Variants in PCLO observed in about 807,000 individuals in gnomAD.
PCLO encodes protein piccolo.
Under a neutral mutation model 427.5 loss-of-function variants are expected in PCLO, and 82 were observed. The ratio of observed to expected loss-of-function variants is 0.19; its 90% CI spans 0.16 to 0.23. PCLO has a LOEUF of 0.23. PCLO is among the 10% of genes least tolerant of loss of function. The probability of loss-of-function intolerance (pLI) is 1.00; values close to 1 mark genes in which losing one functional copy is unlikely to be tolerated. For missense variants in PCLO, 6,239 were observed against 6,115.9 expected (o/e 1.02, Z -0.67); for synonymous variants, 2,357 against 2,155.4 (o/e 1.09, Z -2.59).
At chr7:83,008,666 T>G (rs1167348548) in intron 3 of PCLO, among the ~76,000 whole-genome samples, 1 of 151,666 alleles carries the variant, frequency 6.6e-6, no homozygotes, top group Admixed American at 6.6e-5. Flanking sequence ...GAAAGAATGC[T>G]TTGCAGGGTT....
chr7:82,995,653 A>G (rs1429326964), intron 3 of PCLO, among the ~76,000 whole-genome samples: 3 of 151,984 alleles, frequency 2.0e-5, no homozygotes, highest in Non-Finnish European at 4.4e-5. Context: ...CTGAAAGCAG[A>G]TGGTCTTTGA....
chr7:83,144,606 T>A (rs984347734), intron 2 of PCLO, among the ~76,000 whole-genome samples: 1 of 152,166 alleles, frequency 6.6e-6, no homozygotes, highest in Non-Finnish European at 1.5e-5. Flanking sequence ...AAAAATCTCA[T>A]TTTAAAATTA....
intron 6 of PCLO, among the ~76,000 whole-genome samples, chr7:82,940,480 T>G (rs6467920): frequency 6.6e-6 from 1 of 151,474 alleles, no homozygotes. Flanking sequence ...GTAGTTAAAA[T>G]GATATATTAG....
At chr7:83,019,760 T>C (rs1165340276) in intron 3 of PCLO, among the ~76,000 whole-genome samples, 2 of 152,240 alleles carry the variant, frequency 1.3e-5, no homozygotes, top group Middle Eastern at 3.4e-3. Flanking sequence ...ACTGTGTTGT[T>C]TTCCTATATC....
chr7:82,845,087 A>T (rs1163969875), intron 13 of PCLO, among the ~76,000 whole-genome samples, 184 bp downstream of exon 13: 4 of 152,204 alleles, frequency 2.6e-5, no homozygotes, highest in Non-Finnish European at 5.9e-5. Flanking sequence ...GAAATACATC[A>T]TCTTGATACA....
intron 3 of PCLO, among the ~76,000 whole-genome samples, chr7:82,985,470 C>T (rs375955967): frequency 1.8e-4 from 27 of 152,060 alleles, no homozygotes; most frequent in East Asian, 1.7e-3. Flanking sequence ...AATATTTAGC[C>T]AAAGTGGGGT....
intron 7 of PCLO, 133 bp from the exon 8 acceptor site, chr7:82,909,146 G>A: frequency 1.3e-6 from 1 of 750,012 alleles, no homozygotes; most frequent in South Asian, 2.3e-5. Context: ...ATCTCCCCTT[G>A]GGACTAGAAA....
Position 83,033,628 on chromosome 7 carries a change from T to C in PCLO, c.3301-67141A>G, listed in dbSNP as rs550425000. 2.0e-5 allele frequency among the ~76,000 whole-genome samples: 3 copies of C among 152,310 alleles called. No individual in the cohort carries two copies. The South Asian group carries it at 6.2e-4, about 32-fold the overall frequency. Reference sequence around the variant, plus strand: ...CTTTCTATATTAGTGCAATCTTTCTTCCTTTCAGCACATATATTACTTTGT... The same window carrying C: ...CTTTCTATATTAGTGCAATCTTTCTCCCTTTCAGCACATATATTACTTTGT... On this transcript the variant is annotated intron_variant, in intron 3 of 24. Coordinates refer to ENST00000333891, the MANE Select transcript of PCLO (RefSeq NM_033026.6).
At chr7:83,017,788 A>G (rs1480271284) in intron 3 of PCLO, 1 of 152,096 alleles carries the variant, frequency 6.6e-6, no homozygotes, top group Admixed American at 6.6e-5. Context: ...CACATTATAC[A>G]ACATATAAAG....
At position 82,803,609 on chromosome 7, in the gene PCLO, G is replaced by A. The variant is rs1050074499; in HGVS notation, c.14934-2018C>T. On this transcript the variant is annotated intron_variant, in intron 21 of 24. Transcript: ENST00000333891. Reference sequence around the variant, plus strand: ...TGCAAAGGAAATGTAACTGTGAGTCGTGTGAAGGATGTGGTTTCTCTGAAT... The same window carrying A: ...TGCAAAGGAAATGTAACTGTGAGTCATGTGAAGGATGTGGTTTCTCTGAAT... 2.6e-5 allele frequency among the ~76,000 whole-genome samples: 4 copies of A among 152,236 alleles called. No homozygotes were observed. In the South Asian group the frequency reaches 6.2e-4, roughly 24 times the overall value.
intron 9 of PCLO, among the ~76,000 whole-genome samples, chr7:82,889,689 A>T (rs1434469690): frequency 1.3e-5 from 2 of 152,164 alleles, no homozygotes; most frequent in Non-Finnish European, 2.9e-5. Flanking sequence ...CATTGTTTAT[A>T]ATAATGGAAA....
intron 10 of PCLO, among the ~76,000 whole-genome samples, chr7:82,848,696 A>G (rs73710017): frequency 0.017 from 2,565 of 152,220 alleles, 81 homozygotes; most frequent in African/African-American, 0.059. Flanking sequence ...GAAATTCTAA[A>G]CATGGCATGA....
intron 3 of PCLO, among the ~76,000 whole-genome samples, chr7:83,085,308 C>A (rs1259092390): frequency 6.6e-6 from 1 of 152,062 alleles, no homozygotes; most frequent in African/African-American, 2.4e-5. Flanking sequence ...TTACTATGCA[C>A]CAACTGTTGT....
chr7:83,005,446 G>T (rs1208038473), intron 3 of PCLO, among the ~76,000 whole-genome samples: 5 of 151,372 alleles, frequency 3.3e-5, no homozygotes, highest in Admixed American at 1.3e-4. Flanking sequence ...TTGGTCAAAG[G>T]GTAAAACGTT....
At chr7:82,989,568 ATATT>A (rs1448435577) in intron 3 of PCLO, among the ~76,000 whole-genome samples, 2 of 152,126 alleles carry the variant, frequency 1.3e-5, no homozygotes, top group South Asian at 2.1e-4. Context: ...TTTAATTGAG[ATATT>A]TATTTTTCAC....
At chr7:82,926,021 C>T (rs2116318850) in intron 6 of PCLO, among the ~76,000 whole-genome samples, 1 of 152,088 alleles carries the variant, frequency 6.6e-6, no homozygotes, top group Middle Eastern at 3.4e-3. Context: ...CATCCTATTG[C>T]TTCAAGGCAT....
At chr7:82,805,872 A>G in intron 20 of PCLO, 43 bp from the exon 21 acceptor site, 1 of 1,558,216 alleles carries the variant, frequency 6.4e-7, no homozygotes. Flanking sequence ...CAATAAATGA[A>G]GCTGACATTG....
At chr7:83,024,430 T>TC (rs1788430020) in intron 3 of PCLO, among the ~76,000 whole-genome samples, 1 of 152,094 alleles carries the variant, frequency 6.6e-6, no homozygotes, top group Non-Finnish European at 1.5e-5. Flanking sequence ...CAAGATTATA[T>TC]CCCGCACGTG....
intron 3 of PCLO, among the ~76,000 whole-genome samples, chr7:83,094,209 T>C (rs865958474): frequency 1.9e-4 from 22 of 113,572 alleles, no homozygotes; most frequent in African/African-American, 7.0e-4. Context: ...GATTTTTTTT[T>C]CTTTTTTTTT....
Sources: gnomAD v4.1 joint callset for allele counts (sites outside exome capture counted in the v4.1 genomes callset) on GRCh38, gnomAD v4.1.1 for gene constraint, MANE v1.5 for transcripts, NCBI Gene and HGNC (gene_info 2026-07-23, HGNC 2026-07-21) for gene names.